FOXJ3: variants seen among roughly 807,000 people sequenced by gnomAD.
The protein encoded by FOXJ3 is forkhead box protein J3.
A neutral mutation model predicts 76.1 loss-of-function variants in FOXJ3; 22 were observed. The observed-to-expected ratio is 0.29, with a 90% CI of 0.21 to 0.41. The LOEUF is 0.41. Ranked by LOEUF, FOXJ3 falls within the 10% of genes least tolerant of loss-of-function variation. The pLI is 1.00. For synonymous variants in FOXJ3, 269 were observed against 261.2 expected (o/e 1.03, Z -0.29); for missense variants, 613 against 762.1 (o/e 0.80, Z 2.30).
At chr1:42,204,038 A>G (rs1557634715) in intron 6 of FOXJ3, among the ~76,000 whole-genome samples, 1 of 150,378 alleles carries the variant, frequency 6.6e-6, no homozygotes, top group Non-Finnish European at 1.5e-5. Context: ...GATATTCCTC[A>G]GGATCTCGGC....
chr1:42,225,987 T>C (rs1169692599), intron 5 of FOXJ3, among the ~76,000 whole-genome samples: 1 of 152,160 alleles, frequency 6.6e-6, no homozygotes, highest in Admixed American at 6.5e-5. Flanking sequence ...ATAACTGAAA[T>C]TCCAGGAACT....
At chr1:42,260,702 T>A (rs1036610396) in intron 4 of FOXJ3, among the ~76,000 whole-genome samples, 1 of 152,160 alleles carries the variant, frequency 6.6e-6, no homozygotes, top group African/African-American at 2.4e-5. Context: ...ATCACAATCC[T>A]GTAAGTTTCA....
At chr1:42,261,903 C>G (rs989408963) in intron 4 of FOXJ3, among the ~76,000 whole-genome samples, 3 of 152,208 alleles carry the variant, frequency 2.0e-5, no homozygotes, top group Admixed American at 6.5e-5. Context: ...CAAAACTTAA[C>G]TAACATTTTG....
At chr1:42,283,981 C>G (rs1398899007) in intron 2 of FOXJ3, among the ~76,000 whole-genome samples, 4 of 152,238 alleles carry the variant, frequency 2.6e-5, no homozygotes, top group Admixed American at 6.5e-5. Context: ...TAAGATGATC[C>G]TGAACATGGA....
At chr1:42,269,290 A>C (rs1177249888) in intron 3 of FOXJ3, among the ~76,000 whole-genome samples, 1 of 152,238 alleles carries the variant, frequency 6.6e-6, no homozygotes, top group African/African-American at 2.4e-5. Flanking sequence ...TACCCAGCTT[A>C]AAAGTTCAAG....
At chr1:42,202,002 A>T (rs975488072) in intron 6 of FOXJ3, among the ~76,000 whole-genome samples, 2 of 152,104 alleles carry the variant, frequency 1.3e-5, no homozygotes, top group African/African-American at 4.8e-5. Context: ...TAAGATGTTC[A>T]TATCTATCCT....
rs1646331975 is a variant in FOXJ3, at chr1:42,181,917, C to G, written c.1753G>C (p.Gly585Arg). ...ALSTPGTTMAGHHRAMNQQHM... is the reference protein window; with the variant it reads ...ALSTPGTTMARHHRAMNQQHM... ...CACTCACTCTCTCTCTCTCTCTTAC[C>G]TGCCATCGTTGTTCCTGGAGTGCTG... The change falls in exon 12 of 13, where the codon GGC becomes CGC. Residue 585 changes from glycine to arginine, a missense_variant and splice_region_variant. By Grantham distance (125) the Gly-to-Arg change is moderately radical. Transcript: ENST00000361346. 1 of 1,586,712 alleles carries G rather than the reference C, an allele frequency of 6.3e-7. No homozygotes were observed. Among genetic ancestry groups the G allele is most frequent in the African/African-American group, 1.3e-5 (1 of 74,128 alleles).
intron 11 of FOXJ3, among the ~76,000 whole-genome samples, chr1:42,184,797 CG>C (rs1456823361): frequency 7.2e-5 from 11 of 151,778 alleles, no homozygotes; most frequent in Non-Finnish European, 1.6e-4. Context: ...GGAAAAACAA[CG>C]GAACAAGATG....
chr1:42,211,970 G>C (rs888605237), intron 5 of FOXJ3, among the ~76,000 whole-genome samples: 7 of 152,196 alleles, frequency 4.6e-5, no homozygotes, highest in Non-Finnish European at 7.3e-5. Context: ...ACAATTAGAA[G>C]TGTCTGGGCA....
At chr1:42,335,469 G>T (rs1001234664), upstream of FOXJ3, 1 of 152,420 alleles carries the variant, frequency 6.6e-6, no homozygotes, top group African/African-American at 2.4e-5. Context: ...TTGTGCCTCG[G>T]AGTGGCGTCT....
chr1:42,231,435 A>T (rs1648105160), intron 4 of FOXJ3, among the ~76,000 whole-genome samples: 1 of 152,204 alleles, frequency 6.6e-6, no homozygotes, highest in African/African-American at 2.4e-5. Flanking sequence ...AAATTCTTAG[A>T]GACAAAGAGT....
At chr1:42,312,590 C>T (rs1048047161) in intron 1 of FOXJ3, among the ~76,000 whole-genome samples, 3 of 152,200 alleles carry the variant, frequency 2.0e-5, no homozygotes, top group Non-Finnish European at 4.4e-5. Flanking sequence ...ATCTTAAAAT[C>T]TTTACATATA....
chr1:42,312,327 A>C (rs1019381573), intron 1 of FOXJ3, among the ~76,000 whole-genome samples: 1 of 152,106 alleles, frequency 6.6e-6, no homozygotes, highest in Non-Finnish European at 1.5e-5. Flanking sequence ...CAAAGTGCTG[A>C]GCTTACAGGT....
At chr1:42,213,921 A>G (rs1453219396) in intron 5 of FOXJ3, among the ~76,000 whole-genome samples, 1 of 152,230 alleles carries the variant, frequency 6.6e-6, no homozygotes, top group Non-Finnish European at 1.5e-5. Context: ...AGGATTTTAA[A>G]TGTTCTTACC....
chr1:42,195,339 A>AT (rs1557627147), intron 7 of FOXJ3, among the ~76,000 whole-genome samples: 1 of 152,264 alleles, frequency 6.6e-6, no homozygotes, highest in African/African-American at 2.4e-5. Flanking sequence ...GATCATACAA[A>AT]TAAGTGATGA....
chr1:42,334,421 G>T (rs1038559435), intron 1 of FOXJ3, among the ~76,000 whole-genome samples: 4 of 152,166 alleles, frequency 2.6e-5, no homozygotes, highest in Non-Finnish European at 5.9e-5. Context: ...GAGCTGGGAG[G>T]GGGGGCGGGA....
intron 2 of FOXJ3, among the ~76,000 whole-genome samples, chr1:42,299,540 CTTTT>C (rs762864718): frequency 1.7e-5 from 2 of 119,432 alleles, no homozygotes; most frequent in African/African-American, 3.1e-5. Flanking sequence ...ATGGTTGGGT[CTTTT>C]TTTTTTTTTT....
chr1:42,320,917 T>C (rs752374007), intron 1 of FOXJ3, among the ~76,000 whole-genome samples: 20 of 152,208 alleles, frequency 1.3e-4, no homozygotes, highest in Non-Finnish European at 2.6e-4. Context: ...TTGATTCATG[T>C]GCTTTGCCTG....
intron 4 of FOXJ3, among the ~76,000 whole-genome samples, chr1:42,242,684 A>C (rs1046662126): frequency 2.0e-5 from 3 of 152,150 alleles, no homozygotes; most frequent in African/African-American, 7.2e-5. Context: ...CCACTGCTGC[A>C]TATGTGACAT....
Sources: gnomAD v4.1 joint callset for allele counts (sites outside exome capture counted in the v4.1 genomes callset) on GRCh38, gnomAD v4.1.1 for gene constraint, MANE v1.5 for transcripts, NCBI Gene and HGNC (gene_info 2026-07-23, HGNC 2026-07-21) for gene names.